ADAMTS20: variants seen among roughly 807,000 people sequenced by gnomAD.
The protein encoded by ADAMTS20 is A disintegrin and metalloproteinase with thrombospondin motifs 20.
In ADAMTS20, 225 loss-of-function variants were observed where a neutral mutation model predicts 260.1. The ratio of observed to expected loss-of-function variants is 0.87; its 90% CI spans 0.78 to 0.97. The LOEUF is 0.97. ADAMTS20 is among the 50% of genes least tolerant of loss of function. ADAMTS20 has a pLI of 0.00. For synonymous variants in ADAMTS20, 802 were observed against 769.5 expected, an observed-to-expected ratio of 1.04 and a Z score of -0.70; for missense variants, 2,400 against 2,337.7, an observed-to-expected ratio of 1.03 and a Z score of -0.55.
chr12:43,371,924 T>G (rs555332225), intron 36 of ADAMTS20, among the ~76,000 whole-genome samples: 3 of 152,258 alleles, frequency 2.0e-5, no homozygotes, highest in Non-Finnish European at 2.9e-5. Context: ...TTGAAGATGT[T>G]GCTAGGTTTT....
chr12:43,388,432 G>C (rs1041175944), intron 29 of ADAMTS20, among the ~76,000 whole-genome samples: 1 of 152,198 alleles, frequency 6.6e-6, no homozygotes, highest in Non-Finnish European at 1.5e-5. Context: ...TTCTGCATTG[G>C]TCTCACTAGA....
At chr12:43,535,420 A>T (rs1237284089) in intron 2 of ADAMTS20, among the ~76,000 whole-genome samples, 1 of 152,140 alleles carries the variant, frequency 6.6e-6, no homozygotes, top group African/African-American at 2.4e-5. Context: ...AGAGGAGTCC[A>T]TAAACTTGGG....
intron 31 of ADAMTS20, among the ~76,000 whole-genome samples, chr12:43,378,216 G>A (rs981383660): frequency 6.6e-6 from 1 of 152,166 alleles, no homozygotes; most frequent in Non-Finnish European, 1.5e-5. Flanking sequence ...CATGACAGAT[G>A]AGAAACAAAG....
chr12:43,469,528 AT>A (rs1942214934), intron 7 of ADAMTS20, among the ~76,000 whole-genome samples: 2 of 152,192 alleles, frequency 1.3e-5, no homozygotes, highest in South Asian at 2.1e-4. Flanking sequence ...TCATTTACTT[AT>A]TTTTTAGCTT....
chr12:43,458,564 C>T (rs917677569), intron 11 of ADAMTS20, among the ~76,000 whole-genome samples: 2 of 152,138 alleles, frequency 1.3e-5, no homozygotes, highest in African/African-American at 4.8e-5. Context: ...CATAGCTAAC[C>T]CTCTCATCTC....
intron 36 of ADAMTS20, among the ~76,000 whole-genome samples, chr12:43,369,894 T>TA (rs1254989992): frequency 1.3e-5 from 2 of 152,186 alleles, no homozygotes; most frequent in Non-Finnish European, 2.9e-5. Context: ...TTTTCAAACT[T>TA]ACTTTTGCTA....
rs775571770 is a variant in ADAMTS20, at chr12:43,425,499, A to G, written c.4284+15T>C. On this transcript the variant is annotated intron_variant, in intron 28 of 38. Coordinates refer to ENST00000389420, the MANE Select transcript of ADAMTS20 (RefSeq NM_025003.5). ...TTAAAGTATGACATGTTAACAGACA[A>G]GAGTGCTATCATACCGATGTCCATG... is the stretch of plus-strand genomic sequence containing the variant. 2.1e-6 allele frequency: 3 copies of G among 1,454,188 alleles called. No individual in the cohort carries two copies. The Admixed American group carries it at 6.6e-5, about 32-fold the overall frequency. 90.1% of individuals were successfully genotyped at this position (1,454,188 alleles called of 1,614,324 possible).
chr12:43,452,037 C>A (rs1342595944), intron 14 of ADAMTS20, among the ~76,000 whole-genome samples: 1 of 151,944 alleles, frequency 6.6e-6, no homozygotes, highest in African/African-American at 2.4e-5. Context: ...GTACAATAGA[C>A]CACAGAAAGT....
chr12:43,541,375 T>C (rs1943374424), intron 2 of ADAMTS20, among the ~76,000 whole-genome samples: 1 of 152,204 alleles, frequency 6.6e-6, no homozygotes, highest in Non-Finnish European at 1.5e-5. Flanking sequence ...CTACCCAATT[T>C]CCTAGGAAGG....
Position 43,511,908 on chromosome 12 carries a change from G to A in ADAMTS20, c.614-9503C>T, listed in dbSNP as rs368993706. Reference sequence around the variant, plus strand: ...TGAATGTGCAACAGATCAAATACCTGGGTGACCCTTGAGATAAAGTGTGAC... The same window carrying A: ...TGAATGTGCAACAGATCAAATACCTAGGTGACCCTTGAGATAAAGTGTGAC... On this transcript the variant is annotated intron_variant, in intron 3 of 38. Coordinates refer to ENST00000389420, the MANE Select transcript of ADAMTS20 (RefSeq NM_025003.5). Among the ~76,000 whole-genome samples the A allele has an allele frequency of 7.9e-5, 12 of 152,098 alleles. No homozygotes were observed. The East Asian group carries it at 1.5e-3, about 20-fold the overall frequency.
chr12:43,523,327 T>C (rs370836951), intron 3 of ADAMTS20, among the ~76,000 whole-genome samples: 5 of 152,330 alleles, frequency 3.3e-5, no homozygotes. Flanking sequence ...CCATTCCTTA[T>C]TTTGTCTCAC....
At chr12:43,382,106 T>C (rs1036656706) in intron 31 of ADAMTS20, among the ~76,000 whole-genome samples, 4 of 152,266 alleles carry the variant, frequency 2.6e-5, no homozygotes, top group African/African-American at 7.2e-5. Context: ...TAAATAGAGT[T>C]ATGATACCCA....
intron 28 of ADAMTS20, among the ~76,000 whole-genome samples, chr12:43,416,556 C>T (rs1458932790): frequency 6.8e-6 from 1 of 147,346 alleles, no homozygotes; most frequent in African/African-American, 2.5e-5. Flanking sequence ...CGGAGTCTCA[C>T]TCTGTCGCCC....
In ADAMTS20 at chr12:43,354,066, C is replaced by G; in HGVS notation, c.*143G>C. The G allele has an allele frequency of 1.9e-6, 1 of 518,686 alleles. No homozygotes were observed. 32.1% of individuals were successfully genotyped at this position (518,686 alleles called of 1,614,324 possible). A position where few individuals can be genotyped will look rare whatever the true frequency, so the allele number is the denominator to read the frequency against. ...GACCTTATTAAGCAGTGATTTGAAT[C>G]CCTGATGAGCACCCTGAAAAAAAGG... On this transcript the variant is annotated 3_prime_UTR_variant, in exon 39 of 39. Transcript: ENST00000389420.
At chr12:43,527,414 C>T (rs1239558094) in intron 3 of ADAMTS20, among the ~76,000 whole-genome samples, 2 of 152,016 alleles carry the variant, frequency 1.3e-5, no homozygotes, top group African/African-American at 4.8e-5. Flanking sequence ...ACCAATATCC[C>T]TGATAAAAAT....
intron 18 of ADAMTS20, among the ~76,000 whole-genome samples, chr12:43,439,325 TAA>T (rs772222870): frequency 8.1e-4 from 123 of 152,160 alleles, no homozygotes; most frequent in Admixed American, 1.7e-3. Context: ...AGGATATATA[TAA>T]GTTAGAGAAA....
chr12:43,423,133 AG>A (rs1267794322), intron 28 of ADAMTS20: 1 of 152,190 alleles, frequency 6.6e-6, no homozygotes, highest in East Asian at 1.9e-4. Context: ...TAAATAGAAC[AG>A]GGGTCAGCAA....
Position 43,493,178 on chromosome 12 carries a change from G to A in ADAMTS20, c.943C>T (p.Arg315Cys), listed in dbSNP as rs765553839. The A allele has an allele frequency of 1.6e-5, 25 of 1,558,334 alleles. No homozygotes were observed. Among genetic ancestry groups the A allele is most frequent in the East Asian group, 4.7e-5 (2 of 42,726 alleles). ...IVVVKLVMIH[R>C]EEEGPVINFD... The stretch of plus-strand genomic sequence containing the variant: ...TTAGACCTGTTTCTTACCTCCTCAC[G>A]GTGAATCATAACTAATTTTACCACT... The change falls in exon 5 of 39, where the codon CGT (arginine) becomes TGT (cysteine). Residue 315 changes from arginine (R) to cysteine (C), a missense_variant. By Grantham distance (180) the Arg-to-Cys change is radical (BLOSUM62 -3). Transcript: ENST00000389420.
chr12:43,377,860 C>T (rs1940265161), intron 31 of ADAMTS20, among the ~76,000 whole-genome samples: 1 of 151,962 alleles, frequency 6.6e-6, no homozygotes, highest in Non-Finnish European at 1.5e-5. Flanking sequence ...AACTATATCT[C>T]CCAATAGGCA....
Sources: gnomAD v4.1 joint callset for allele counts (sites outside exome capture counted in the v4.1 genomes callset) on GRCh38, gnomAD v4.1.1 for gene constraint, MANE v1.5 for transcripts, NCBI Gene and HGNC (gene_info 2026-07-23, HGNC 2026-07-21) for gene names.